The following SNX2 variants were observed in gnomAD, a reference collection of about 807,000 sequenced individuals.
The protein encoded by SNX2 is sorting nexin-2.
In SNX2, 25 loss-of-function variants were observed where a neutral mutation model predicts 69.9. The observed-to-expected ratio is 0.36, with a 90% confidence interval of 0.26 to 0.50. The LOEUF (loss-of-function observed/expected upper bound fraction) is 0.50. Ranked by LOEUF, SNX2 falls within the 20% of genes least tolerant of loss-of-function variation. The pLI, the probability that SNX2 is intolerant of heterozygous loss-of-function variation, is 0.97. For missense variants in SNX2, 551 were observed against 613.3 expected (o/e 0.90, Z 1.07); for synonymous variants, 229 against 200.4 (o/e 1.14, Z -1.20).
chr5:122,798,626 T>C (rs1753439205), intron 2 of SNX2, among the ~76,000 whole-genome samples: 1 of 152,214 alleles, frequency 6.6e-6, no homozygotes. Flanking sequence ...CTTGAGGTCC[T>C]GCCTTCCTTT....
intron 6 of SNX2, among the ~76,000 whole-genome samples, chr5:122,804,730 G>A (rs1753595283): frequency 6.6e-6 from 1 of 152,052 alleles, no homozygotes; most frequent in African/African-American, 2.4e-5. Context: ...AAAAGAGGAG[G>A]AAACCTCCAT....
intron 1 of SNX2, among the ~76,000 whole-genome samples, chr5:122,781,199 A>G (rs533622592): frequency 1.3e-5 from 2 of 152,210 alleles, no homozygotes; most frequent in South Asian, 4.1e-4. Context: ...GCCTCTGGCA[A>G]CCACTGATCT....
intron 7 of SNX2, among the ~76,000 whole-genome samples, chr5:122,813,994 G>A (rs1561467807): frequency 6.6e-6 from 1 of 151,978 alleles, no homozygotes; most frequent in Non-Finnish European, 1.5e-5. Flanking sequence ...GGCTGGTCTC[G>A]AACTCCTGAC....
intron 1 of SNX2, among the ~76,000 whole-genome samples, chr5:122,782,816 C>T (rs571702299): frequency 5.9e-5 from 9 of 152,222 alleles, no homozygotes; most frequent in East Asian, 3.9e-4. Flanking sequence ...GGATTACAGG[C>T]GTGAGCTATT....
chr5:122,805,075 T>C (rs1319258621), intron 6 of SNX2, among the ~76,000 whole-genome samples: 1 of 151,932 alleles, frequency 6.6e-6, no homozygotes, highest in Non-Finnish European at 1.5e-5. Flanking sequence ...GCGGATCACC[T>C]GAGGTCAGGA....
chr5:122,800,122 A>C (rs1753475201), intron 3 of SNX2, among the ~76,000 whole-genome samples: 1 of 152,218 alleles, frequency 6.6e-6, no homozygotes, highest in Non-Finnish European at 1.5e-5. Flanking sequence ...TCTGTTGGTC[A>C]GATGATATAT....
chr5:122,785,426 G>A (rs1753064539), intron 1 of SNX2, among the ~76,000 whole-genome samples: 1 of 151,932 alleles, frequency 6.6e-6, no homozygotes, highest in African/African-American at 2.4e-5. Context: ...GGAATTACAA[G>A]TGTGAGCCAC....
At position 122,829,775 on chromosome 5, in the gene SNX2, TACAC is replaced by T. The variant is rs3990570; in HGVS notation, c.*160_*163del. On this transcript the variant is annotated 3_prime_UTR_variant, in exon 15 of 15. Coordinates refer to ENST00000379516, the MANE Select transcript of SNX2 (RefSeq NM_003100.4). ...TTTATGAATTACATGTGGTTTTATA[TACAC>T]ACACACACACACACACACACACACA... 29,858 of 519,762 alleles carry T rather than the reference TACAC, an allele frequency of 0.057. 155 individuals are homozygous for T. Among genetic ancestry groups the T allele is most frequent in the Non-Finnish European group, 0.064 (17,566 of 275,842 alleles). The allele number at this position is 519,762 out of a possible 1,614,324, so 32.2% of individuals were successfully genotyped here.
At chr5:122,779,558 A>G (rs188317653) in intron 1 of SNX2, among the ~76,000 whole-genome samples, 2 of 152,214 alleles carry the variant, frequency 1.3e-5, no homozygotes, top group Admixed American at 1.3e-4. Context: ...CCATTTGTTG[A>G]TGGACATTTA....
intron 1 of SNX2, among the ~76,000 whole-genome samples, chr5:122,786,781 A>G (rs1035248451): frequency 1.3e-5 from 2 of 151,500 alleles, no homozygotes; most frequent in African/African-American, 2.4e-5. Context: ...TTTTATTTTT[A>G]TATTGTTGCT....
At chr5:122,783,167 G>A (rs566126369) in intron 1 of SNX2, among the ~76,000 whole-genome samples, 4 of 150,854 alleles carry the variant, frequency 2.7e-5, no homozygotes, top group Admixed American at 1.3e-4. Flanking sequence ...GGATGGTCTC[G>A]ATCTCTTGAC....
intron 1 of SNX2, 33 bp from the exon 2 acceptor site, chr5:122,795,233 A>T: frequency 1.5e-6 from 2 of 1,352,738 alleles, no homozygotes; most frequent in Non-Finnish European, 1.1e-6. Context: ...TAAACATGCC[A>T]ATCCATTACC....
intron 7 of SNX2, among the ~76,000 whole-genome samples, chr5:122,808,966 A>C (rs1276052655): frequency 6.6e-6 from 1 of 152,132 alleles, no homozygotes; most frequent in Non-Finnish European, 1.5e-5. Flanking sequence ...TTGAATGTAC[A>C]AAAGTATTAG....
Position 122,806,142 on chromosome 5 carries a change from G to GCACGCACGCACACACACACACACA in SNX2, c.644-2132_644-2131insGCACGCACACACACACACACACAC, listed in dbSNP as rs1554063175. Among the ~76,000 whole-genome samples the GCACGCACGCACACACACACACACA allele has an allele frequency of 3.7e-3, 479 of 130,624 alleles. 2 individuals are homozygous for GCACGCACGCACACACACACACACA. Among genetic ancestry groups the GCACGCACGCACACACACACACACA allele is most frequent in the African/African-American group, 0.014 (466 of 34,512 alleles). The allele number at this position is 130,624 out of a possible 152,430, so 85.7% of individuals were successfully genotyped here. ...TGTGTATATATATACACACGCGCGC[G>GCACGCACGCACACACACACACACA]CACACACACACACACACACACACAC... On this transcript the variant is annotated intron_variant, in intron 6 of 14. Transcript: ENST00000379516.
chr5:122,799,474 A>G (rs1426926057), intron 2 of SNX2, among the ~76,000 whole-genome samples: 3 of 152,206 alleles, frequency 2.0e-5, no homozygotes, highest in African/African-American at 7.2e-5. Flanking sequence ...AAGCTAACTT[A>G]ATAGGATTCT....
At chr5:122,781,668 T>G (rs2150000123) in intron 1 of SNX2, among the ~76,000 whole-genome samples, 1 of 152,306 alleles carries the variant, frequency 6.6e-6, no homozygotes, top group East Asian at 1.9e-4. Context: ...TTGTCAGCAC[T>G]TGTTATTATC....
At chr5:122,828,388 T>C (rs1411209157) in intron 14 of SNX2, among the ~76,000 whole-genome samples, 2 of 152,196 alleles carry the variant, frequency 1.3e-5, no homozygotes, top group Non-Finnish European at 2.9e-5. Context: ...AAATAAGTCA[T>C]ATAAGCTTGT....
At chr5:122,817,100 C>T (rs759462991) in intron 9 of SNX2, 72 bp downstream of exon 9, 26 of 1,254,938 alleles carry the variant, frequency 2.1e-5, no homozygotes, top group Non-Finnish European at 3.0e-5. Context: ...TAAAGCTGTA[C>T]AAGTGGAAAA....
chr5:122,795,216 C>T, intron 1 of SNX2, 50 bp from the exon 2 acceptor site: 1 of 1,180,300 alleles, frequency 8.5e-7, no homozygotes, highest in Non-Finnish European at 1.3e-6. Flanking sequence ...GACAGAATTA[C>T]AACAGGTAAA....
Sources: gnomAD v4.1 joint callset for allele counts (sites outside exome capture counted in the v4.1 genomes callset) on GRCh38, gnomAD v4.1.1 for gene constraint, MANE v1.5 for transcripts, NCBI Gene and HGNC (gene_info 2026-07-23, HGNC 2026-07-21) for gene names.